The following PLXNA1 variants were observed in gnomAD, a reference collection of about 807,000 sequenced individuals.
PLXNA1 encodes the protein plexin A1.
Under a neutral mutation model 191.7 loss-of-function variants are expected in PLXNA1, and 77 were observed. The observed-to-expected ratio is 0.40, with a 90% confidence interval of 0.33 to 0.49. PLXNA1 has a LOEUF of 0.49. PLXNA1 is among the 20% of genes least tolerant of loss of function. The probability of loss-of-function intolerance (pLI) is 0.63; values close to 1 mark genes in which losing one functional copy is unlikely to be tolerated. For missense variants in PLXNA1, 2,110 were observed against 2,660.2 expected, an observed-to-expected ratio of 0.79 and a Z score of 4.55; for synonymous variants, 1,137 against 1,156.4, an observed-to-expected ratio of 0.98 and a Z score of 0.34.
chr3:127,007,967 T>G (rs2079076978), intron 9 of PLXNA1, 54 bp downstream of exon 9: 15 of 1,223,824 alleles, frequency 1.2e-5, no homozygotes, highest in Non-Finnish European at 1.8e-5. Context: ...CAGAACTGGG[T>G]TGAGACATCC....
Position 127,022,063 on chromosome 3 carries a change from T to A in PLXNA1, c.4039-22T>A, listed in dbSNP as rs777267066. Reference sequence around the variant, plus strand: ...TGGGGCTGGGTGCTTCTCTGTGGTCTGAGCTCTGTGTGCTCCCTCAGGTGC... The same window carrying A: ...TGGGGCTGGGTGCTTCTCTGTGGTCAGAGCTCTGTGTGCTCCCTCAGGTGC... On this transcript the variant is annotated intron_variant, in intron 21 of 31. Coordinates refer to ENST00000393409, the MANE Select transcript of PLXNA1 (RefSeq NM_032242.4). The A allele has an allele frequency of 1.4e-5, 23 of 1,605,234 alleles. 1 individual carries two copies. In the Middle Eastern group the frequency reaches 3.0e-3, roughly 207 times the overall value.
chr3:126,995,193 G>T (rs898129445), intron 3 of PLXNA1, among the ~76,000 whole-genome samples: 1 of 152,182 alleles, frequency 6.6e-6, no homozygotes, highest in Non-Finnish European at 1.5e-5. Flanking sequence ...GGGTGCCCCT[G>T]TCCCCCCTCC....
In PLXNA1 at chr3:127,030,009, A is replaced by G; in HGVS notation, c.5006A>G (p.Asp1669Gly). The G allele has an allele frequency of 6.2e-7, 1 of 1,613,680 alleles. No homozygotes were observed. The highest frequency in any genetic ancestry group is 8.5e-7 in the Non-Finnish European group (1 of 1,179,916). Residue 1669 changes from aspartate (D) to glycine (G), a missense_variant, in exon 28 of 32, where the codon GAC (aspartate) becomes GGC (glycine). Transcript: ENST00000393409. ...NHDHLDQREG[D>G]RGSKMVSEIY... is the part of the protein sequence containing the mutation. ...GACCACCTGGACCAGCGTGAGGGTG[A>G]CCGCGGCAGCAAGATGGTCTCGGAG...
chr3:127,029,221 G>C (rs2079193435), intron 26 of PLXNA1, 125 bp downstream of exon 26: 2 of 859,760 alleles, frequency 2.3e-6, no homozygotes, highest in South Asian at 3.1e-5. Flanking sequence ...AGGAGGGGAG[G>C]TGGTCACTTA....
intron 3 of PLXNA1, among the ~76,000 whole-genome samples, chr3:126,994,564 T>G (rs1265651165): frequency 6.6e-6 from 1 of 152,164 alleles, no homozygotes; most frequent in Non-Finnish European, 1.5e-5. Context: ...CTGCTTGCCT[T>G]GGCTCTGTTA....
rs750446640 is a variant in PLXNA1 at position 126,989,345 on chromosome 3, G to T, written c.752G>T (p.Arg251Leu). The change falls in exon 2 of 32, where the codon CGC becomes CTC. Residue 251 changes from arginine to leucine, a missense_variant. This residue lies in a region of PLXNA1 where 903 missense variants were observed against 1,015.7 expected (regional missense o/e 0.89). Coordinates refer to ENST00000393409, the MANE Select transcript of PLXNA1 (RefSeq NM_032242.4). ...GACATCTACTATGTGTACAGCTTCC[G>T]CAGCGAGCAGTTTGTCTACTACCTC... Reference protein sequence around the residue: ...AFDIYYVYSFRSEQFVYYLTL... With the variant: ...AFDIYYVYSFLSEQFVYYLTL... 6.8e-6 allele frequency: 11 copies of T among 1,613,510 alleles called. No homozygotes were observed. The African/African-American group carries it at 1.2e-4, about 18-fold the overall frequency.
chr3:127,035,764 G>A lies in PLXNA1; in HGVS notation c.*1747G>A, dbSNP rs2079239413. 1 of 152,324 alleles carries A rather than the reference G, an allele frequency of 6.6e-6. No individual in the cohort carries two copies. Among genetic ancestry groups the A allele is most frequent in the South Asian group, 2.1e-4 (1 of 4,814 alleles). The allele number at this position is 152,324 out of a possible 1,614,324, so 9.4% of individuals were successfully genotyped here. A position where few individuals can be genotyped will look rare whatever the true frequency, so the allele number is the denominator to read the frequency against. ...TTGGCCAGGCCCAAGGAGAGGACTC[G>A]GCCCCATGGGGTGTGCCAGTCTTGC... On this transcript the variant is annotated 3_prime_UTR_variant, in exon 32 of 32. Transcript: ENST00000393409.
At chr3:127,022,487 GC>G in intron 22 of PLXNA1, 146 bp downstream of exon 22, 1 of 1,047,752 alleles carries the variant, frequency 9.5e-7, no homozygotes, top group Non-Finnish European at 1.4e-6. Context: ...AGGCTCAGCT[GC>G]CACCTCCCTA....
chr3:126,989,879 T>C (rs2078982425), intron 2 of PLXNA1, 92 bp downstream of exon 2: 3 of 1,141,366 alleles, frequency 2.6e-6, no homozygotes, highest in Middle Eastern at 2.9e-4. Flanking sequence ...TGGTGCCTGC[T>C]GTGTGCCTGG....
Position 126,989,593 on chromosome 3 carries a change from G to A in PLXNA1, c.1000G>A (p.Glu334Lys), listed in dbSNP as rs368337511. 2.5e-6 allele frequency: 4 copies of A among 1,613,236 alleles called. No homozygotes were observed. Among genetic ancestry groups the A allele is most frequent in the Non-Finnish European group, 2.5e-6 (3 of 1,180,026 alleles). The change falls in exon 2 of 32, where the codon GAG (glutamate) becomes AAG (lysine). Residue 334 changes from glutamate (E) to lysine (K), a missense_variant. By Grantham distance (56) the Glu-to-Lys change is moderately conservative. Transcript: ENST00000393409. ...LAHQLGLAED[E>K]DVLFTVFAQG... The stretch of plus-strand genomic sequence containing the variant: ...CCACCAGCTGGGCCTGGCTGAGGAC[G>A]AGGACGTGCTGTTCACTGTGTTCGC...
intron 21 of PLXNA1, among the ~76,000 whole-genome samples, chr3:127,020,569 GGGGAATGGCCAGCAC>G (rs1020312756): frequency 1.3e-5 from 2 of 152,320 alleles, no homozygotes; most frequent in Admixed American, 1.3e-4. Context: ...GGTTGGGGCA[GGGGAATGGCCAGCAC>G]GGCTCTGCTC....
chr3:127,005,142 C>T lies in PLXNA1; in HGVS notation c.1796C>T (p.Ser599Phe). 6.2e-7 allele frequency: 1 copy of T among 1,612,760 alleles called. No individual in the cohort carries two copies. The highest frequency in any genetic ancestry group is 1.3e-5 in the African/African-American group (1 of 75,050). Reference protein sequence around the residue: ...VPDLSAGVNCSFEDFTESESV... With the variant: ...VPDLSAGVNCFFEDFTESESV... ...GACCTCTCAGCTGGCGTCAACTGCT[C>T]CTTCGAGGACTTCACGGAATCTGAG... The change falls in exon 7 of 32, where the codon TCC (serine) becomes TTC (phenylalanine). Residue 599 changes from serine (S) to phenylalanine (F), a missense_variant. By Grantham distance (155) the Ser-to-Phe change is radical (BLOSUM62 -2). Transcript: ENST00000393409.
At chr3:127,017,315 G>A (rs1431742677) in intron 17 of PLXNA1, 110 bp from the exon 18 acceptor site, 1 of 1,443,916 alleles carries the variant, frequency 6.9e-7, no homozygotes, top group Admixed American at 2.1e-5. Flanking sequence ...GCTAGTGCCT[G>A]GCATCATCTG....
At chr3:127,029,756 C>A in intron 27 of PLXNA1, 118 bp from the exon 28 acceptor site, 2 of 1,265,310 alleles carry the variant, frequency 1.6e-6, no homozygotes, top group East Asian at 2.6e-5. Flanking sequence ...GTGTCATCGG[C>A]TGCCCCAAAA....
At position 126,991,400 on chromosome 3, in the gene PLXNA1, A is replaced by G; in HGVS notation, c.1211A>G (p.Asp404Gly). 6.2e-7 allele frequency: 1 copy of G among 1,612,724 alleles called. No individual in the cohort carries two copies. ...GCINSPLQID[D>G]DFCGQDFNQP... ...TTCCCACAGCCCCTGCAGATCGATG[A>G]CGACTTCTGCGGGCAGGACTTCAAC... The change falls in exon 3 of 32, where the codon GAC (aspartate) becomes GGC (glycine). Residue 404 changes from aspartate (D) to glycine (G), a missense_variant. Asp to Gly is a moderately conservative substitution (Grantham distance 94, BLOSUM62 -1). Around this residue, in one of 4 missense-constraint regions of PLXNA1, gnomAD observed 903 missense variants for 1,015.7 expected, o/e 0.89. Coordinates refer to ENST00000393409, the MANE Select transcript of PLXNA1 (RefSeq NM_032242.4).
At chr3:126,998,579 G>A (rs1466894309) in intron 3 of PLXNA1, among the ~76,000 whole-genome samples, 1 of 152,210 alleles carries the variant, frequency 6.6e-6, no homozygotes, top group African/African-American at 2.4e-5. Context: ...CCAGCTGGGT[G>A]CTAGGTTCCC....
At chr3:127,013,979 GCCGC>G in intron 10 of PLXNA1, 37 bp from the exon 11 acceptor site, 1 of 1,584,372 alleles carries the variant, frequency 6.3e-7, no homozygotes, top group Non-Finnish European at 8.7e-7. Flanking sequence ...AGGCCTGGAG[GCCGC>G]TTAGCTGGGA....
chr3:127,000,532 T>C (rs2079035298), intron 3 of PLXNA1, among the ~76,000 whole-genome samples: 1 of 152,218 alleles, frequency 6.6e-6, no homozygotes, highest in Admixed American at 6.5e-5. Context: ...AATACCCTCC[T>C]GCTGGGTACT....
intron 15 of PLXNA1, 69 bp from the exon 16 acceptor site, chr3:127,016,448 A>G: frequency 2.1e-6 from 3 of 1,420,598 alleles, no homozygotes; most frequent in Non-Finnish European, 3.0e-6. Context: ...CCGTCCCTCA[A>G]TGCATCTGCA....
Sources: allele counts gnomAD v4.1 joint callset (sites outside exome capture counted in the v4.1 genomes callset), GRCh38; gene constraint gnomAD v4.1.1; regional missense constraint gnomAD v4.1.1; transcripts MANE v1.5; gene names NCBI Gene and HGNC (gene_info 2026-07-23, HGNC 2026-07-21).